Variants in NLGN1 observed in about 807,000 individuals in gnomAD.
NLGN1 encodes neuroligin 1, also known as neuroligin-1.
Under a neutral mutation model 65.5 loss-of-function variants are expected in NLGN1, and 12 were observed. The ratio of observed to expected loss-of-function variants is 0.18; its 90% confidence interval spans 0.12 to 0.30. The LOEUF (loss-of-function observed/expected upper bound fraction) is 0.30, where lower values mean the gene tolerates loss of function less well. Among genes scored for constraint, NLGN1 ranks in the 10% least tolerant of loss-of-function variants. The pLI, the probability that NLGN1 is intolerant of heterozygous loss-of-function variation, is 1.00. For missense variants in NLGN1, 750 were observed against 1,007.1 expected, an observed-to-expected ratio of 0.74 and a Z score of 3.46; for synonymous variants, 350 against 359.5, an observed-to-expected ratio of 0.97 and a Z score of 0.30.
At chr3:173,995,213 A>G (rs189128605) in intron 4 of NLGN1, among the ~76,000 whole-genome samples, 163 of 152,310 alleles carry the variant, frequency 1.1e-3, no homozygotes, top group Middle Eastern at 6.8e-3. Context: ...CCAAAATTCA[A>G]TTGTTCCAAA....
intron 4 of NLGN1, among the ~76,000 whole-genome samples, chr3:173,867,727 T>C (rs997098264): frequency 1.3e-5 from 2 of 152,142 alleles, no homozygotes; most frequent in Admixed American, 1.3e-4. Flanking sequence ...ACTCTTTCAA[T>C]TGTAATAATA....
chr3:173,732,447 C>T (rs1035792372), intron 3 of NLGN1, among the ~76,000 whole-genome samples: 12 of 152,032 alleles, frequency 7.9e-5, no homozygotes, highest in African/African-American at 1.9e-4. Flanking sequence ...GCTTTGAGGC[C>T]GTGTCTGTAA....
At chr3:173,411,958 G>A (rs1217787386) in intron 1 of NLGN1, among the ~76,000 whole-genome samples, 2 of 152,112 alleles carry the variant, frequency 1.3e-5, no homozygotes, top group Admixed American at 1.3e-4. Context: ...AAAGAGAATG[G>A]CAGAAAAGTA....
chr3:173,565,331 C>G (rs764741983), intron 2 of NLGN1, among the ~76,000 whole-genome samples: 43 of 152,160 alleles, frequency 2.8e-4, no homozygotes, highest in Non-Finnish European at 5.4e-4. Context: ...AGTGAAGCAG[C>G]ATGGGATTGA....
chr3:173,679,126 GAAA>G (rs11316391), intron 3 of NLGN1, among the ~76,000 whole-genome samples: 1 of 137,284 alleles, frequency 7.3e-6, no homozygotes. Flanking sequence ...GCCCCGATGT[GAAA>G]AAAAAAAAAA....
At chr3:174,237,027 T>G (rs138744418) in intron 4 of NLGN1, among the ~76,000 whole-genome samples, 47 of 152,210 alleles carry the variant, frequency 3.1e-4, no homozygotes, top group African/African-American at 1.1e-3. Context: ...TTGAGATACA[T>G]CAACAAAATA....
chr3:174,176,882 T>C (rs1052834596), intron 4 of NLGN1, among the ~76,000 whole-genome samples: 9 of 152,042 alleles, frequency 5.9e-5, no homozygotes, highest in Non-Finnish European at 1.5e-5. Flanking sequence ...AAGGAACAAG[T>C]AGGGGCTGCC....
chr3:173,415,943 A>AGAGAGAGAGCGCGCGC, intron 1 of NLGN1, among the ~76,000 whole-genome samples: 1 of 142,890 alleles, frequency 7.0e-6, no homozygotes, highest in African/African-American at 2.8e-5. Context: ...AGAGAGAGAG[A>AGAGAGAGAGCGCGCGC]GCTTGGTATA....
chr3:174,259,053 G>A (rs927372995), intron 4 of NLGN1, among the ~76,000 whole-genome samples: 2 of 152,078 alleles, frequency 1.3e-5, no homozygotes, highest in Non-Finnish European at 2.9e-5. Context: ...AATATTATCA[G>A]CATGTAATAA....
intron 3 of NLGN1, among the ~76,000 whole-genome samples, chr3:173,692,182 A>G (rs1198402330): frequency 6.6e-6 from 1 of 152,116 alleles, no homozygotes; most frequent in East Asian, 1.9e-4. Context: ...CTGGAAATCA[A>G]TATTTTGTTA....
chr3:173,960,902 G>A (rs1200265054), intron 4 of NLGN1, among the ~76,000 whole-genome samples: 1 of 151,772 alleles, frequency 6.6e-6, no homozygotes, highest in African/African-American at 2.4e-5. Flanking sequence ...ATACTTTACA[G>A]ATTATCAATG....
chr3:173,508,253 A>T (rs1577029995), intron 2 of NLGN1, among the ~76,000 whole-genome samples: 1 of 152,290 alleles, frequency 6.6e-6, no homozygotes, highest in South Asian at 2.1e-4. Context: ...TTTGTTTTAC[A>T]GCCAGGGTTA....
chr3:173,453,504 C>T (rs1176990010), intron 2 of NLGN1, among the ~76,000 whole-genome samples: 1 of 151,956 alleles, frequency 6.6e-6, no homozygotes, highest in Non-Finnish European at 1.5e-5. Flanking sequence ...AGTAGAACTT[C>T]TTTCAAAATT....
intron 5 of NLGN1, among the ~76,000 whole-genome samples, chr3:174,278,455 A>T (rs1383987438): frequency 2.0e-5 from 3 of 151,986 alleles, no homozygotes; most frequent in African/African-American, 7.2e-5. Context: ...AACTGGAGGA[A>T]ATATTCCAAA....
chr3:173,484,032 C>G (rs9845335), intron 2 of NLGN1, among the ~76,000 whole-genome samples: 1 of 152,010 alleles, frequency 6.6e-6, no homozygotes, highest in African/African-American at 2.4e-5. Context: ...AACATCTTGT[C>G]GTAGATGTTT....
At chr3:173,821,846 A>G (rs1280100559) in intron 4 of NLGN1, among the ~76,000 whole-genome samples, 1 of 152,152 alleles carries the variant, frequency 6.6e-6, no homozygotes, top group Non-Finnish European at 1.5e-5. Flanking sequence ...TAAATAATTC[A>G]TTTACCTATT....
intron 4 of NLGN1, among the ~76,000 whole-genome samples, chr3:174,247,183 C>T (rs905363534): frequency 6.6e-6 from 1 of 152,122 alleles, no homozygotes; most frequent in African/African-American, 2.4e-5. Flanking sequence ...TTTGGTGTTA[C>T]TTGGAGATCA....
chr3:173,946,433 T>A (rs961439748), intron 4 of NLGN1, among the ~76,000 whole-genome samples: 7 of 152,238 alleles, frequency 4.6e-5, no homozygotes, highest in Admixed American at 3.9e-4. Context: ...AACATTTCCT[T>A]TGTCAATAGT....
At chr3:174,033,405 C>T (rs1730448389) in intron 4 of NLGN1, among the ~76,000 whole-genome samples, 1 of 152,084 alleles carries the variant, frequency 6.6e-6, no homozygotes, top group Non-Finnish European at 1.5e-5. Context: ...ACATATTTGG[C>T]TTTCAAGGAA....
Sources: allele counts gnomAD v4.1 joint callset (sites outside exome capture counted in the v4.1 genomes callset), GRCh38; gene constraint gnomAD v4.1.1; transcripts MANE v1.5; gene names NCBI Gene and HGNC (gene_info 2026-07-23, HGNC 2026-07-21).